The following SV2B variants were observed in gnomAD, a reference collection of about 807,000 sequenced individuals.
SV2B encodes the protein synaptic vesicle glycoprotein 2B.
SV2B carries 41 observed loss-of-function variants against 73.9 expected under a neutral mutation model. The ratio of observed to expected loss-of-function variants is 0.56; its 90% confidence interval spans 0.43 to 0.72. The LOEUF (loss-of-function observed/expected upper bound fraction) is 0.72, where lower values mean the gene tolerates loss of function less well. SV2B is among the 30% of genes least tolerant of loss of function. SV2B has a pLI of 0.00. For missense variants in SV2B, 764 were observed against 857.8 expected (o/e 0.89, Z 1.37); for synonymous variants, 314 against 314.2 (o/e 1.00, Z 0.01).
At chr15:91,255,296 G>A (rs1254896992) in intron 4 of SV2B, among the ~76,000 whole-genome samples, 3 of 152,164 alleles carry the variant, frequency 2.0e-5, no homozygotes, top group African/African-American at 4.8e-5. Context: ...TGACCACTGC[G>A]GGCTGACAGC....
At chr15:91,103,884 C>T (rs532693251) in intron 1 of SV2B, among the ~76,000 whole-genome samples, 1 of 152,284 alleles carries the variant, frequency 6.6e-6, no homozygotes, top group African/African-American at 2.4e-5. Flanking sequence ...TCTGTCTTTC[C>T]GGGCCACGTC....
Position 91,292,543 on chromosome 15 carries a change from C to G in SV2B, c.2043C>G (p.Val681=), listed in dbSNP as rs892285527. The change falls in exon 13 of 13, where the codon GTC becomes GTG. Residue 681 remains valine, a synonymous_variant. Transcript: ENST00000394232. Reference sequence around the variant, plus strand: ...GACTGCCAGAGACTCGAGAACAGGTCCTGATGTGAACAACCTATGGGAAAA... The same window carrying G: ...GACTGCCAGAGACTCGAGAACAGGTGCTGATGTGAACAACCTATGGGAAAA... ...ALRLPETREQ[V]LM 5.0e-6 allele frequency: 8 copies of G among 1,613,044 alleles called. No homozygotes were observed. The highest frequency in any genetic ancestry group is 3.3e-5 in the Admixed American group (2 of 59,848).
At chr15:91,260,824 G>A (rs1202760062) in intron 6 of SV2B, among the ~76,000 whole-genome samples, 1 of 152,158 alleles carries the variant, frequency 6.6e-6, no homozygotes, top group African/African-American at 2.4e-5. Context: ...GAGAAAATGA[G>A]GAATTTGCAA....
chr15:91,205,889 T>A (rs549743946), intron 1 of SV2B, among the ~76,000 whole-genome samples: 30 of 152,316 alleles, frequency 2.0e-4, no homozygotes, highest in African/African-American at 7.0e-4. Flanking sequence ...AGTCACGCAC[T>A]GGAGGAGAAA....
chr15:91,191,059 G>GTTTCTTTTTTTTTTTTTTT (rs2044994627), intron 1 of SV2B, among the ~76,000 whole-genome samples: 1 of 59,734 alleles, frequency 1.7e-5, no homozygotes, highest in Non-Finnish European at 3.5e-5. Context: ...TTTTTTTGGT[G>GTTTCTTTTTTTTTTTTTTT]TTTCTTTTTT....
Position 91,239,155 on chromosome 15 carries a change from C to T in SV2B, c.451+12441C>T, listed in dbSNP as rs2046906372. Reference sequence around the variant, plus strand: ...GAAATGCCCCATGGGGTCCACTGAACAGGCTGGATGTGAACATCCTCTTCT... The same window carrying T: ...GAAATGCCCCATGGGGTCCACTGAATAGGCTGGATGTGAACATCCTCTTCT... On this transcript the variant is annotated intron_variant, in intron 2 of 12. Transcript: ENST00000394232. This position sits in a 1 kb window ranked among gnomAD's most constrained non-coding sequence, Gnocchi z 5.1. Among the ~76,000 whole-genome samples, 1 of 152,122 alleles carries T rather than the reference C, an allele frequency of 6.6e-6. No homozygotes were observed. Among genetic ancestry groups the T allele is most frequent in the Non-Finnish European group, 1.5e-5 (1 of 68,026 alleles).
chr15:91,171,351 T>A (rs2044115556), intron 1 of SV2B, among the ~76,000 whole-genome samples: 1 of 152,236 alleles, frequency 6.6e-6, no homozygotes, highest in African/African-American at 2.4e-5. Flanking sequence ...GTACAGTAAG[T>A]ACTTCATAAG....
Position 91,245,308 on chromosome 15 carries a change from A to C in SV2B, c.452-6511A>C, listed in dbSNP as rs1192748528. On this transcript the variant is annotated intron_variant, in intron 2 of 12. Transcript: ENST00000394232. This position sits in a 1 kb window ranked among gnomAD's most constrained non-coding sequence, Gnocchi z 4.2. ...TGAGCAAATAACTAGAAACACCAAC[A>C]AAGACATATGCATAAAATATTCTTT... is the stretch of plus-strand genomic sequence containing the variant. Among the ~76,000 whole-genome samples the C allele has an allele frequency of 6.6e-6, 1 of 152,242 alleles. No homozygotes were observed. The highest frequency in any genetic ancestry group is 1.5e-5 in the Non-Finnish European group (1 of 68,046).
intron 1 of SV2B, among the ~76,000 whole-genome samples, chr15:91,218,174 G>T (rs535817077): frequency 5.5e-4 from 83 of 152,282 alleles, no homozygotes; most frequent in African/African-American, 2.0e-3. Context: ...ACTGTTTATT[G>T]TTCTGGACAG....
rs57173318 is a variant in SV2B, at chr15:91,227,918, C to G, written c.451+1204C>G. On this transcript the variant is annotated intron_variant, in intron 2 of 12. Transcript: ENST00000394232. This position sits in a 1 kb window ranked among gnomAD's most constrained non-coding sequence, Gnocchi z 4.5. The stretch of plus-strand genomic sequence containing the variant: ...TAGACCTTGCAGACCCAGATGGTCT[C>G]TGTCACAATCACTCAACTCTGTCAC... 0.13 allele frequency among the ~76,000 whole-genome samples: 19,911 copies of G among 152,174 alleles called. 2,359 individuals carry two copies. Among genetic ancestry groups the G allele is most frequent in the African/African-American group, 0.32 (13,411 of 41,456 alleles).
In SV2B at chr15:91,225,880, C is replaced by T. The variant is rs781566431; in HGVS notation, c.-384C>T. 1.3e-4 allele frequency: 32 copies of T among 237,276 alleles called. No individual in the cohort carries two copies. The highest frequency in any genetic ancestry group is 2.2e-4 in the Non-Finnish European group (27 of 124,174). 14.7% of individuals were successfully genotyped at this position (237,276 alleles called of 1,614,324 possible). On this transcript the variant is annotated 5_prime_UTR_variant, in exon 2 of 13. Transcript: ENST00000394232. ...CCTTCTCTCTGTTCTCAGAGCATAA[C>T]CTTCGGTGGCAGGACAAATCAGGCC...
intron 1 of SV2B, among the ~76,000 whole-genome samples, chr15:91,167,236 G>T (rs1254265857): frequency 6.6e-6 from 1 of 152,056 alleles, no homozygotes; most frequent in African/African-American, 2.4e-5. Context: ...TCAACATCTG[G>T]TCATTTTGGC....
chr15:91,285,777 TTC>T (rs1160017628), intron 11 of SV2B, among the ~76,000 whole-genome samples: 1 of 152,038 alleles, frequency 6.6e-6, no homozygotes, highest in Non-Finnish European at 1.5e-5. Context: ...GCTGAGGAAG[TTC>T]TGGGGGAGGC....
chr15:91,103,130 C>T (rs1416014146), intron 1 of SV2B, among the ~76,000 whole-genome samples: 4 of 152,172 alleles, frequency 2.6e-5, no homozygotes, highest in Admixed American at 2.6e-4. Context: ...ATCCTAAACT[C>T]TGTGTTTAGA....
At position 91,258,351 on chromosome 15, in the gene SV2B, T is replaced by G. The variant is rs1596713906; in HGVS notation, c.785-70T>G. The G allele has an allele frequency of 6.3e-7, 1 of 1,585,666 alleles. No individual in the cohort carries two copies. Among genetic ancestry groups the G allele is most frequent in the Middle Eastern group, 1.7e-4 (1 of 5,800 alleles). On this transcript the variant is annotated intron_variant, in intron 4 of 12. Transcript: ENST00000394232. This position sits in a 1 kb window ranked among gnomAD's most constrained non-coding sequence, Gnocchi z 4.7. ...TGCCCTGAAGTTTGTGAGCCAGGGC[T>G]TCAGAGTCACTCTTCCGTAGAGGAA...
intron 1 of SV2B, among the ~76,000 whole-genome samples, chr15:91,174,482 GA>G (rs5814465): frequency 0.4 from 59,304 of 148,818 alleles, 13,875 homozygotes; most frequent in African/African-American, 0.63. Context: ...TGTTTAGGGA[GA>G]AAAAAAAAAG....
In SV2B at chr15:91,260,399, A is replaced by G; in HGVS notation, c.998A>G (p.Lys333Arg). ...TNMRAKGTPE[K>R]VFTVSNIKTP... is the part of the protein sequence containing the mutation. ...ATGAGAGCTAAGGGGACCCCAGAGA[A>G]AGTGTTCACGGTGAGTGTGGGGTTG... The change falls in exon 6 of 13, where the codon AAA becomes AGA. Residue 333 changes from lysine (K) to arginine (R), a missense_variant. Lys to Arg is a conservative substitution (Grantham distance 26). Coordinates refer to ENST00000394232, the MANE Select transcript of SV2B (RefSeq NM_001323032.3). The G allele has an allele frequency of 6.2e-7, 1 of 1,613,194 alleles. No homozygotes were observed. Among genetic ancestry groups the G allele is most frequent in the African/African-American group, 1.3e-5 (1 of 75,016 alleles).
chr15:91,147,737 G>A (rs895204938), intron 1 of SV2B, among the ~76,000 whole-genome samples: 1 of 152,050 alleles, frequency 6.6e-6, no homozygotes, highest in African/African-American at 2.4e-5. Context: ...ATCCGGGAAG[G>A]GAGAGTTAAT....
In SV2B at chr15:91,280,660, G is replaced by A. The variant is rs763368687; in HGVS notation, c.1374-1068G>A. On this transcript the variant is annotated intron_variant, in intron 9 of 12. Transcript: ENST00000394232. This position sits in a 1 kb window ranked among gnomAD's most constrained non-coding sequence, Gnocchi z 5.8. ...TGCATTGTTCTTTCCTATTAAATAT[G>A]CAGGAGTTGGAGAGGTGCAGTGACT... Among the ~76,000 whole-genome samples the A allele has an allele frequency of 3.3e-5, 5 of 152,216 alleles. No homozygotes were observed. Among genetic ancestry groups the A allele is most frequent in the Non-Finnish European group, 7.3e-5 (5 of 68,028 alleles).
Sources: allele counts gnomAD v4.1 joint callset (sites outside exome capture counted in the v4.1 genomes callset), GRCh38; gene constraint gnomAD v4.1.1; non-coding constraint Gnocchi (gnomAD v3.1); transcripts MANE v1.5; gene names NCBI Gene and HGNC (gene_info 2026-07-23, HGNC 2026-07-21).